The following FCN1 variants were observed in gnomAD, a reference collection of about 807,000 sequenced individuals.
FCN1 encodes the protein ficolin 1, also known as ficolin-1.
FCN1 carries 42 observed loss-of-function variants against 35.6 expected under a neutral mutation model. The ratio of observed to expected loss-of-function variants is 1.18; its 90% CI spans 0.92 to 1.53. FCN1 has a LOEUF of 1.53. Among genes scored for constraint, FCN1 ranks in the 40% most tolerant of loss-of-function variants. The pLI is 0.00. For synonymous variants in FCN1, 179 were observed against 169.8 expected (o/e 1.05, Z -0.42); for missense variants, 439 against 428.4 (o/e 1.02, Z -0.22).
chr9:134,912,439 G>T, intron 7 of FCN1, 47 bp downstream of exon 7: 1 of 1,584,674 alleles, frequency 6.3e-7, no homozygotes. Flanking sequence ...TAAGGGGCAG[G>T]AGCACCTCAG....
At chr9:134,913,763 A>T in intron 4 of FCN1, 150 bp from the exon 5 acceptor site, 1 of 541,914 alleles carries the variant, frequency 1.8e-6, no homozygotes. Context: ...CTAGGGAAGG[A>T]TGGCCAGACT....
Position 134,913,115 on chromosome 9 carries a change from G to A in FCN1, c.369C>T (p.Asp123=), listed in dbSNP as rs200663920. 29 of 1,613,940 alleles carry A rather than the reference G, an allele frequency of 1.8e-5. No homozygotes were observed. In the Admixed American group the frequency reaches 3.7e-4, roughly 20 times the overall value. The change falls in exon 6 of 9, where the codon GAC becomes GAT. Residue 123 remains aspartate (D), a synonymous_variant. Transcript: ENST00000371806. ...TGPRNCKDLL[D]RGYFLSGWHT... is the part of the protein sequence containing the mutation. ...GCCAGCCGCTCAGGAAATACCCCCG[G>A]TCTAGCAGGTCCTTGCAGTTGCGTG...
rs183671017 is a variant in FCN1, at chr9:134,903,968, C to T, written c.*5830G>A. Among the ~76,000 whole-genome samples, 23 of 152,168 alleles carry T rather than the reference C, an allele frequency of 1.5e-4. No individual in the cohort carries two copies. The East Asian group carries it at 3.9e-3, about 26-fold the overall frequency. ...TATAGGTCAGCAGAAAATATCCAGA[C>T]TGAATGTGAAAAGGAAAAAAGAATA... On this transcript the variant is annotated 3_prime_UTR_variant, in exon 9 of 9. Transcript: ENST00000371806.
Position 134,909,626 on chromosome 9 carries a change from C to G in FCN1, c.*172G>C. The G allele has an allele frequency of 6.4e-7, 1 of 1,572,852 alleles. No individual in the cohort carries two copies. The highest frequency in any genetic ancestry group is 8.6e-7 in the Non-Finnish European group (1 of 1,164,958). On this transcript the variant is annotated 3_prime_UTR_variant, in exon 9 of 9. Coordinates refer to ENST00000371806, the MANE Select transcript of FCN1 (RefSeq NM_002003.5). ...TAAACATATTTAGAAACATAATTCT[C>G]CCTCTGGTGAGGTTGTGGGCATGTG...
intron 8 of FCN1, among the ~76,000 whole-genome samples, 167 bp from the exon 9 acceptor site, chr9:134,910,212 G>A (rs1831006038): frequency 1.3e-5 from 2 of 152,096 alleles, no homozygotes; most frequent in Non-Finnish European, 2.9e-5. Context: ...GGGGAAGCAG[G>A]AGGCAACCTC....
In FCN1 at chr9:134,909,332, T is replaced by A. The variant is rs1830991211; in HGVS notation, c.*466A>T. The stretch of plus-strand genomic sequence containing the variant: ...GACCTTTTTCAAGAAGTGTGAAGTG[T>A]TGTGAGTGAGGCATGGGGGGATGGG... On this transcript the variant is annotated 3_prime_UTR_variant, in exon 9 of 9. Transcript: ENST00000371806. The A allele has an allele frequency of 3.1e-6, 4 of 1,289,448 alleles. No individual in the cohort carries two copies. The highest frequency in any genetic ancestry group is 4.0e-6 in the Non-Finnish European group (4 of 988,882). 79.9% of individuals were successfully genotyped at this position (1,289,448 alleles called of 1,614,324 possible). A position where few individuals can be genotyped will look rare whatever the true frequency, so the allele number is the denominator to read the frequency against.
intron 7 of FCN1, 26 bp downstream of exon 7, chr9:134,912,460 C>T (rs1192505374): frequency 1.1e-5 from 17 of 1,607,964 alleles, no homozygotes; most frequent in Admixed American, 1.7e-5. Flanking sequence ...GGCCCCCCAA[C>T]CCCTGAGCCA....
Position 134,914,708 on chromosome 9 carries a change from C to T in FCN1, c.271+48G>A, listed in dbSNP as rs7863062. ...CCCTCCCTCATTTCATTACAGACAG[C>T]TCCAAGGTCCCTGCTCAAGGCCTCC... On this transcript the variant is annotated intron_variant, in intron 3 of 8. Transcript: ENST00000371806. 9.4e-3 allele frequency: 12,984 copies of T among 1,385,298 alleles called. 860 individuals are homozygous for T. The African/African-American group carries it at 0.15, about 16-fold the overall frequency. The allele number at this position is 1,385,298 out of a possible 1,614,324, so 85.8% of individuals were successfully genotyped here.
Position 134,910,026 on chromosome 9 carries a change from G to A in FCN1, c.753C>T (p.His251=), listed in dbSNP as rs747393797. The change falls in exon 9 of 9, where the codon CAC becomes CAT. Residue 251 remains histidine (H), a synonymous_variant. Coordinates refer to ENST00000371806, the MANE Select transcript of FCN1 (RefSeq NM_002003.5). ...CTTTGGTGGAGAAGAAGTTGTTGTT[G>A]TGGCCCGTTAGAGAATTACCTGCTC... is the stretch of plus-strand genomic sequence containing the variant. The part of the protein sequence containing the change: ...GGSAGNSLTG[H]NNNFFSTKDQ... The A allele has an allele frequency of 1.2e-6, 2 of 1,614,078 alleles. No individual in the cohort carries two copies. Among genetic ancestry groups the A allele is most frequent in the South Asian group, 1.1e-5 (1 of 91,078 alleles).
chr9:134,904,992 G>T lies in FCN1; in HGVS notation c.*4806C>A, dbSNP rs1419274918. ...TAAATAAATGTATCATAGCATGGCG[G>T]CAAGAATGGCATAAAAAGCAGAAGG... On this transcript the variant is annotated 3_prime_UTR_variant, in exon 9 of 9. Coordinates refer to ENST00000371806, the MANE Select transcript of FCN1 (RefSeq NM_002003.5). Among the ~76,000 whole-genome samples, 2 of 152,144 alleles carry T rather than the reference G, an allele frequency of 1.3e-5. No individual in the cohort carries two copies. The highest frequency in any genetic ancestry group is 1.9e-4 in the East Asian group (1 of 5,184).
In FCN1 at chr9:134,909,431, C is replaced by G. The variant is rs1440195718; in HGVS notation, c.*367G>C. On this transcript the variant is annotated 3_prime_UTR_variant, in exon 9 of 9. Transcript: ENST00000371806. ...GTGGAAAATCCTCGCAAAAGTCACT[C>G]AACCTCCCTGAACATCGGTAGTGCC... 3 of 1,291,790 alleles carry G rather than the reference C, an allele frequency of 2.3e-6. No individual in the cohort carries two copies. The highest frequency in any genetic ancestry group is 2.5e-5 in the South Asian group (2 of 80,960). The allele number at this position is 1,291,790 out of a possible 1,614,324, so 80.0% of individuals were successfully genotyped here. A position where few individuals can be genotyped will look rare whatever the true frequency, so the allele number is the denominator to read the frequency against.
intron 1 of FCN1, among the ~76,000 whole-genome samples, chr9:134,917,115 C>A (rs12377780): frequency 0.27 from 40,705 of 152,242 alleles, 5,964 homozygotes; most frequent in Non-Finnish European, 0.34. Flanking sequence ...GTGCTCTCAC[C>A]GGAGACATGG....
chr9:134,913,403 G>C (rs1482692139), intron 5 of FCN1, among the ~76,000 whole-genome samples, 178 bp downstream of exon 5: 2 of 152,204 alleles, frequency 1.3e-5, no homozygotes, highest in Non-Finnish European at 2.9e-5. Flanking sequence ...GATAATAGTA[G>C]AGCCCAGGTT....
chr9:134,916,216 A>G (rs1456311877), intron 2 of FCN1, 132 bp downstream of exon 2: 20 of 733,930 alleles, frequency 2.7e-5, no homozygotes, highest in Non-Finnish European at 4.8e-5. Context: ...TCCTGGCTCT[A>G]GCAGGGGCCT....
In FCN1 at chr9:134,913,515, C is replaced by T. The variant is rs904422757; in HGVS notation, c.340+66G>A. 1.8e-5 allele frequency: 24 copies of T among 1,308,346 alleles called. 1 individual carries two copies. Among genetic ancestry groups the T allele is most frequent in the Admixed American group, 1.2e-4 (6 of 49,700 alleles). The allele number at this position is 1,308,346 out of a possible 1,614,324, so 81.0% of individuals were successfully genotyped here. ...CTGTCCTTAGATTCCGTAGCGTGAA[C>T]GTGTGCAGCTGGCCCCAGGGGTGGG... On this transcript the variant is annotated intron_variant, in intron 5 of 8. Transcript: ENST00000371806.
Position 134,908,562 on chromosome 9 carries a change from C to A in FCN1, c.*1236G>T. On this transcript the variant is annotated 3_prime_UTR_variant, in exon 9 of 9. Coordinates refer to ENST00000371806, the MANE Select transcript of FCN1 (RefSeq NM_002003.5). Reference sequence around the variant, plus strand: ...TCCCATGAGTCTCAGGAGTGGAGACCCTGTCCCATGGGGCTTGGGGGGAGA... The same window carrying A: ...TCCCATGAGTCTCAGGAGTGGAGACACTGTCCCATGGGGCTTGGGGGGAGA... 1 of 153,474 alleles carries A rather than the reference C, an allele frequency of 6.5e-6. No individual in the cohort carries two copies. Among genetic ancestry groups the A allele is most frequent in the East Asian group, 1.9e-4 (1 of 5,180 alleles). The allele number at this position is 153,474 out of a possible 1,614,324, so 9.5% of individuals were successfully genotyped here. A position where few individuals can be genotyped will look rare whatever the true frequency, so the allele number is the denominator to read the frequency against.
In FCN1 at chr9:134,907,619, A is replaced by G. The variant is rs564498372; in HGVS notation, c.*2179T>C. The G allele has an allele frequency of 2.6e-5, 4 of 152,280 alleles. No homozygotes were observed. The highest frequency in any genetic ancestry group is 4.4e-5 in the Non-Finnish European group (3 of 68,026). 9.4% of individuals were successfully genotyped at this position (152,280 alleles called of 1,614,324 possible). Reference sequence around the variant, plus strand: ...ACAATCACTTTCTTATTTTTCCTGTATACATTTACCACCTAAATATGCATC... The same window carrying G: ...ACAATCACTTTCTTATTTTTCCTGTGTACATTTACCACCTAAATATGCATC... On this transcript the variant is annotated 3_prime_UTR_variant, in exon 9 of 9. Transcript: ENST00000371806.
chr9:134,913,479 C>T, intron 5 of FCN1, 102 bp downstream of exon 5: 1 of 902,382 alleles, frequency 1.1e-6, no homozygotes, highest in Non-Finnish European at 1.7e-6. Context: ...ATGATAGGTG[C>T]AGACAGGGTT....
At chr9:134,912,755 TCA>T in intron 6 of FCN1, 140 bp from the exon 7 acceptor site, 1 of 1,239,092 alleles carries the variant, frequency 8.1e-7, no homozygotes, top group Non-Finnish European at 1.1e-6. Context: ...TCTGGTCTCC[TCA>T]CAGACTCCAC....
Sources: allele counts gnomAD v4.1 joint callset (sites outside exome capture counted in the v4.1 genomes callset), GRCh38; gene constraint gnomAD v4.1.1; transcripts MANE v1.5; gene names NCBI Gene and HGNC (gene_info 2026-07-23, HGNC 2026-07-21).